CSMD1: variants seen among roughly 807,000 people sequenced by gnomAD.
The protein encoded by CSMD1 is CUB and Sushi multiple domains 1, also known as CUB and sushi domain-containing protein 1.
A neutral mutation model predicts 417.5 loss-of-function variants in CSMD1; 213 were observed. That is an observed-to-expected ratio of 0.51 (90% CI 0.46 to 0.57). The LOEUF is 0.57. CSMD1 is among the 20% of genes least tolerant of loss of function. CSMD1 has a pLI of 0.00. For missense variants in CSMD1, 6,923 were observed against 4,529.7 expected, an observed-to-expected ratio of 1.53 and a Z score of -15.17; for synonymous variants, 2,862 against 1,736.8, an observed-to-expected ratio of 1.65 and a Z score of -16.11.
intron 1 of CSMD1, among the ~76,000 whole-genome samples, chr8:4,715,230 A>G (rs1321344959): frequency 6.6e-6 from 1 of 152,210 alleles, no homozygotes; most frequent in African/African-American, 2.4e-5. Flanking sequence ...GTTTTTATGA[A>G]TTTGAATTCA....
At chr8:3,727,570 A>C (rs758804708) in intron 6 of CSMD1, among the ~76,000 whole-genome samples, 6 of 152,212 alleles carry the variant, frequency 3.9e-5, no homozygotes, top group Non-Finnish European at 8.8e-5. Flanking sequence ...TCCTCGAAAA[A>C]ATACTAATAA....
chr8:4,029,589 T>A (rs777633016), intron 4 of CSMD1, among the ~76,000 whole-genome samples: 1 of 152,078 alleles, frequency 6.6e-6, no homozygotes, highest in Non-Finnish European at 1.5e-5. Flanking sequence ...CATGTGAGAA[T>A]TGTGGGAGCT....
chr8:2,978,629 G>C lies in CSMD1; in HGVS notation c.8549C>G (p.Ser2850Cys). ...TGACTTACCCAAACACTTGGGCAGG[G>C]ATCGGTCCCATAAGCCATTTGCCAT... The part of the protein sequence containing the change: ...TCMANGLWDR[S>C]LPKCLAISCG... The change falls in exon 55 of 70, where the codon TCC (serine) becomes TGC (cysteine). Residue 2850 changes from serine to cysteine, a missense_variant. Coordinates refer to ENST00000635120, the MANE Select transcript of CSMD1 (RefSeq NM_033225.6). The C allele has an allele frequency of 6.3e-7, 1 of 1,594,984 alleles. No individual in the cohort carries two copies.
chr8:4,516,221 C>T (rs1473377548), intron 2 of CSMD1, among the ~76,000 whole-genome samples: 1 of 152,078 alleles, frequency 6.6e-6, no homozygotes, highest in Admixed American at 6.6e-5. Context: ...AGAGGGAAGA[C>T]CACGTGAGGA....
At chr8:3,309,518 C>G (rs17392148) in intron 23 of CSMD1, among the ~76,000 whole-genome samples, 3,062 of 152,192 alleles carry the variant, frequency 0.02, 41 homozygotes, top group East Asian at 0.036. Context: ...GTACTGAGAG[C>G]TGTATATTCC....
intron 6 of CSMD1, among the ~76,000 whole-genome samples, chr8:3,725,155 AAGGAGGG>A (rs1802411239): frequency 1.3e-5 from 2 of 152,140 alleles, no homozygotes; most frequent in South Asian, 4.1e-4. Context: ...AAAGGGACTA[AAGGAGGG>A]AGCTGTGCCC....
chr8:3,511,367 C>A (rs553273981), intron 10 of CSMD1, among the ~76,000 whole-genome samples: 2 of 131,174 alleles, frequency 1.5e-5, no homozygotes, highest in Non-Finnish European at 3.2e-5. Flanking sequence ...TATCCCAGAA[C>A]TTAAAGTATT....
intron 3 of CSMD1, among the ~76,000 whole-genome samples, chr8:4,191,186 G>A (rs535122215): frequency 6.6e-6 from 1 of 152,282 alleles, no homozygotes; most frequent in South Asian, 2.1e-4. Flanking sequence ...CACGACGTCA[G>A]GAGATTGAGA....
At chr8:4,322,260 T>C (rs1428002644) in intron 3 of CSMD1, among the ~76,000 whole-genome samples, 2 of 152,236 alleles carry the variant, frequency 1.3e-5, no homozygotes, top group African/African-American at 4.8e-5. Flanking sequence ...GTATTTAAAA[T>C]AGTTTAAACA....
chr8:4,560,247 A>C (rs1798270184), intron 2 of CSMD1, among the ~76,000 whole-genome samples: 1 of 152,274 alleles, frequency 6.6e-6, no homozygotes, highest in African/African-American at 2.4e-5. Flanking sequence ...TTCCTGCCAA[A>C]GTAATTTCAC....
chr8:3,601,410 C>T (rs1270044383), intron 8 of CSMD1, among the ~76,000 whole-genome samples: 1 of 152,166 alleles, frequency 6.6e-6, no homozygotes, highest in Non-Finnish European at 1.5e-5. Flanking sequence ...GATGTTTATG[C>T]TATCAAACAG....
intron 3 of CSMD1, among the ~76,000 whole-genome samples, chr8:4,222,307 T>A (rs1457470781): frequency 6.6e-6 from 1 of 152,146 alleles, no homozygotes; most frequent in African/African-American, 2.4e-5. Flanking sequence ...TTAGGCAATT[T>A]GGAAAACTTG....
At chr8:4,365,979 G>C (rs1802045934) in intron 3 of CSMD1, among the ~76,000 whole-genome samples, 1 of 151,934 alleles carries the variant, frequency 6.6e-6, no homozygotes, top group Non-Finnish European at 1.5e-5. Flanking sequence ...TTTGTTCATG[G>C]GGAAACTGTG....
intron 2 of CSMD1, among the ~76,000 whole-genome samples, chr8:4,465,651 C>A (rs1198136341): frequency 6.6e-6 from 1 of 152,102 alleles, no homozygotes; most frequent in Non-Finnish European, 1.5e-5. Flanking sequence ...TTCCAAATCC[C>A]AAGTACTGGA....
chr8:4,315,006 A>T (rs1798840921), intron 3 of CSMD1, among the ~76,000 whole-genome samples: 1 of 152,172 alleles, frequency 6.6e-6, no homozygotes, highest in African/African-American at 2.4e-5. Context: ...TGACAGCCCC[A>T]GCCTGAGAAA....
chr8:4,566,998 T>C (rs1432974661), intron 2 of CSMD1, among the ~76,000 whole-genome samples: 2 of 152,082 alleles, frequency 1.3e-5, no homozygotes, highest in Non-Finnish European at 2.9e-5. Context: ...TCCAATGAAA[T>C]CCTGTATGTA....
chr8:4,020,166 C>A (rs905896697), intron 4 of CSMD1, among the ~76,000 whole-genome samples: 1 of 152,082 alleles, frequency 6.6e-6, no homozygotes, highest in African/African-American at 2.4e-5. Flanking sequence ...ATCTTTACAA[C>A]AGATTTCTCA....
intron 5 of CSMD1, among the ~76,000 whole-genome samples, chr8:3,970,843 C>T (rs554023626): frequency 1.3e-5 from 2 of 152,210 alleles, no homozygotes; most frequent in South Asian, 4.2e-4. Flanking sequence ...CCTCCGCCTC[C>T]CGGGTTCACG....
intron 57 of CSMD1, among the ~76,000 whole-genome samples, chr8:2,972,101 G>A (rs548445414): frequency 6.1e-4 from 93 of 151,810 alleles, no homozygotes; most frequent in Middle Eastern, 3.4e-3. Context: ...AATATTTAGC[G>A]TTATTTTATA....
Sources: allele counts gnomAD v4.1 joint callset (sites outside exome capture counted in the v4.1 genomes callset), GRCh38; gene constraint gnomAD v4.1.1; transcripts MANE v1.5; gene names NCBI Gene and HGNC (gene_info 2026-07-23, HGNC 2026-07-21).